Variants in STT3A observed in about 807,000 individuals in gnomAD.
STT3A encodes STT3 oligosaccharyltransferase complex catalytic subunit A, also known as dolichyl-diphosphooligosaccharide--protein glycosyltransferase subunit STT3A.
Under a neutral mutation model 89.2 loss-of-function variants are expected in STT3A, and 34 were observed. The ratio of observed to expected loss-of-function variants is 0.38; its 90% CI spans 0.29 to 0.51. The LOEUF (loss-of-function observed/expected upper bound fraction) is 0.51. Ranked by LOEUF, STT3A falls within the 20% of genes least tolerant of loss-of-function variation. STT3A has a pLI of 0.89. For synonymous variants in STT3A, 282 were observed against 310.3 expected (o/e 0.91, Z 0.96); for missense variants, 555 against 889.5 (o/e 0.62, Z 4.78).
chr11:125,617,772 G>A (rs187406602), intron 15 of STT3A, among the ~76,000 whole-genome samples: 8 of 152,246 alleles, frequency 5.3e-5, no homozygotes, highest in East Asian at 1.9e-4. Flanking sequence ...TAGATCAGTC[G>A]TGCCCACTGT....
intron 1 of STT3A, among the ~76,000 whole-genome samples, chr11:125,595,467 C>A (rs76778050): frequency 7.9e-5 from 12 of 152,202 alleles, no homozygotes; most frequent in South Asian, 4.2e-4. Flanking sequence ...TGCTTCCCCC[C>A]CTCCGCCCCT....
At chr11:125,611,800 A>G (rs950086207) in intron 11 of STT3A, among the ~76,000 whole-genome samples, 1 of 142,202 alleles carries the variant, frequency 7.0e-6, no homozygotes, top group Non-Finnish European at 1.5e-5. Flanking sequence ...ACGGGAGATG[A>G]TATTTTTTTC....
chr11:125,596,253 CTGG>C (rs1939492425), intron 2 of STT3A, among the ~76,000 whole-genome samples: 1 of 152,056 alleles, frequency 6.6e-6, no homozygotes, highest in Non-Finnish European at 1.5e-5. Context: ...TCACTTGAGG[CTGG>C]GAGTTTGAGA....
chr11:125,608,228 G>A lies in STT3A; in HGVS notation c.900G>A (p.Arg300=). The change falls in exon 9 of 18, where the codon CGG becomes CGA. Residue 300 remains arginine, a synonymous_variant. Coordinates refer to ENST00000392708, the MANE Select transcript of STT3A (RefSeq NM_152713.5). Reference sequence around the variant, plus strand: ...CACAACAATTTGAAGTTCTTTTCCGGAGCGTCATCTCTCTGGTAGGCTTTG... The same window carrying A: ...CACAACAATTTGAAGTTCTTTTCCGAAGCGTCATCTCTCTGGTAGGCTTTG... ...LNPQQFEVLF[R]SVISLVGFVL... is the part of the protein sequence containing the mutation. The A allele has an allele frequency of 6.2e-7, 1 of 1,614,182 alleles. No homozygotes were observed. The highest frequency in any genetic ancestry group is 8.5e-7 in the Non-Finnish European group (1 of 1,180,020).
Position 125,614,014 on chromosome 11 carries a change from T to G in STT3A, c.1555-73T>G, listed in dbSNP as rs111960315. The G allele has an allele frequency of 3.7e-6, 5 of 1,339,062 alleles. No individual in the cohort carries two copies. The highest frequency in any genetic ancestry group is 2.9e-5 in the African/African-American group (2 of 69,208). 82.9% of individuals were successfully genotyped at this position (1,339,062 alleles called of 1,614,324 possible). A position where few individuals can be genotyped will look rare whatever the true frequency, so the allele number is the denominator to read the frequency against. On this transcript the variant is annotated intron_variant, in intron 13 of 17. Transcript: ENST00000392708. This position sits in a 1 kb window ranked among gnomAD's most constrained non-coding sequence, Gnocchi z 4.9. ...GGTGTCACTTCTGTCAGACCAAAGA[T>G]GCCTTCTCTGTTGCATTTGATTTTT...
At chr11:125,603,671 T>A (rs1361421770) in intron 5 of STT3A, among the ~76,000 whole-genome samples, 2 of 152,386 alleles carry the variant, frequency 1.3e-5, no homozygotes, top group East Asian at 1.9e-4. Context: ...CCTGGTGATA[T>A]TTAAGCTTTA....
chr11:125,618,411 A>T lies in STT3A; in HGVS notation c.1813A>T (p.Ser605Cys). ...KFLWMVRIGG[S>C]TDTGKHIKEN... is the part of the protein sequence containing the mutation. ...TCTTTGGATGGTCCGGATTGGAGGG[A>T]GCACAGATACAGGCAAACATATCAA... The change falls in exon 16 of 18, where the codon AGC (serine) becomes TGC (cysteine). Residue 605 changes from serine (S) to cysteine (C), a missense_variant. Around this residue, in one of 5 missense-constraint regions of STT3A, gnomAD observed 273 missense variants for 449.8 expected, o/e 0.61. Coordinates refer to ENST00000392708, the MANE Select transcript of STT3A (RefSeq NM_152713.5). 6.2e-7 allele frequency: 1 copy of T among 1,611,146 alleles called. No homozygotes were observed. The highest frequency in any genetic ancestry group is 8.5e-7 in the Non-Finnish European group (1 of 1,179,554).
intron 15 of STT3A, among the ~76,000 whole-genome samples, chr11:125,617,295 T>A (rs1940204914): frequency 6.6e-6 from 1 of 152,190 alleles, no homozygotes; most frequent in Non-Finnish European, 1.5e-5. Flanking sequence ...TTGTAGATAC[T>A]CTTATTTTTC....
intron 2 of STT3A, 126 bp downstream of exon 2, chr11:125,596,129 A>G: frequency 1.3e-6 from 1 of 758,968 alleles, no homozygotes; most frequent in Non-Finnish European, 2.2e-6. Context: ...TCCATTCCTC[A>G]TTAGTATAAT....
In STT3A at chr11:125,600,668, T is replaced by C. The variant is rs2135912687; in HGVS notation, c.150-1635T>C. 2.0e-5 allele frequency among the ~76,000 whole-genome samples: 3 copies of C among 152,312 alleles called. 1 individual carries two copies. In the South Asian group the frequency reaches 6.2e-4, roughly 32 times the overall value. On this transcript the variant is annotated intron_variant, in intron 3 of 17. Coordinates refer to ENST00000392708, the MANE Select transcript of STT3A (RefSeq NM_152713.5). The stretch of plus-strand genomic sequence containing the variant: ...GTTATCTACCTCACCCAGCCTTATT[T>C]CTTTTTAAATAAGAAACTTAAGGAC...
At chr11:125,599,356 T>C (rs1441920289) in intron 3 of STT3A, among the ~76,000 whole-genome samples, 1 of 152,218 alleles carries the variant, frequency 6.6e-6, no homozygotes. Context: ...CGGTTAGTCA[T>C]GATTATCCAT....
chr11:125,595,736 G>C, intron 1 of STT3A, 145 bp from the exon 2 acceptor site: 4 of 579,148 alleles, frequency 6.9e-6, no homozygotes, highest in Admixed American at 6.5e-5. Flanking sequence ...CTTTAGGCCA[G>C]GCTTGGATAC....
chr11:125,596,411 G>C (rs1046130501), intron 2 of STT3A, among the ~76,000 whole-genome samples: 2 of 152,204 alleles, frequency 1.3e-5, no homozygotes, highest in African/African-American at 4.8e-5. Context: ...GTTGCAGTAA[G>C]CCGAGATTGC....
chr11:125,607,820 T>G (rs1239050271), intron 8 of STT3A, among the ~76,000 whole-genome samples: 2 of 152,124 alleles, frequency 1.3e-5, no homozygotes, highest in Non-Finnish European at 2.9e-5. Context: ...TGATGAGAAT[T>G]TTAGTGGATG....
intron 10 of STT3A, 146 bp from the exon 11 acceptor site, chr11:125,611,282 A>G (rs935206416): frequency 1.7e-5 from 11 of 640,422 alleles, no homozygotes; most frequent in South Asian, 6.1e-5. Context: ...GCATGTTTCT[A>G]TGATTGTTTT....
chr11:125,619,731 A>G (rs1940292598), intron 16 of STT3A, among the ~76,000 whole-genome samples: 1 of 152,144 alleles, frequency 6.6e-6, no homozygotes, highest in African/African-American at 2.4e-5. Context: ...GCTCTAAATG[A>G]CAATCCTCAG....
intron 4 of STT3A, 44 bp downstream of exon 4, chr11:125,602,468 A>G: frequency 6.6e-7 from 1 of 1,504,024 alleles, no homozygotes; most frequent in Non-Finnish European, 8.9e-7. Context: ...AAAAAACAGA[A>G]ATATTTGTAT....
rs912669937 is a variant in STT3A, at chr11:125,592,929, C to T, written c.-36+11C>T. 1 of 170,226 alleles carries T rather than the reference C, an allele frequency of 5.9e-6. No individual in the cohort carries two copies. Among genetic ancestry groups the T allele is most frequent in the Non-Finnish European group, 1.3e-5 (1 of 77,568 alleles). 10.5% of individuals were successfully genotyped at this position (170,226 alleles called of 1,614,324 possible). A position where few individuals can be genotyped will look rare whatever the true frequency, so the allele number is the denominator to read the frequency against. ...AGGAAAGCCGGCCAGGTGAGAAGGC[C>T]GTAGAACGTAACTTGAAAATCAGCG... On this transcript the variant is annotated intron_variant, in intron 1 of 17. Coordinates refer to ENST00000392708, the MANE Select transcript of STT3A (RefSeq NM_152713.5).
At position 125,622,940 on chromosome 11, in the gene STT3A, G is replaced by A. The variant is rs1045260018; in HGVS notation, c.*2130G>A. ...AAAAATACAAAAATTAGCTGGGTGT[G>A]GGGTACACACCCTGTAATCTCAGCT... On this transcript the variant is annotated 3_prime_UTR_variant, in exon 18 of 18. Transcript: ENST00000392708. 6.6e-6 allele frequency: 1 copy of A among 152,094 alleles called. No homozygotes were observed. Among genetic ancestry groups the A allele is most frequent in the African/African-American group, 2.4e-5 (1 of 41,388 alleles). 9.4% of individuals were successfully genotyped at this position (152,094 alleles called of 1,614,324 possible).
Sources: gnomAD v4.1 joint callset for allele counts (sites outside exome capture counted in the v4.1 genomes callset) on GRCh38, gnomAD v4.1.1 for gene constraint, gnomAD v4.1.1 regional missense constraint, Gnocchi (gnomAD v3.1) non-coding constraint, MANE v1.5 for transcripts, NCBI Gene and HGNC (gene_info 2026-07-23, HGNC 2026-07-21) for gene names.